EBF1: variants seen among roughly 807,000 people sequenced by gnomAD.
The protein encoded by EBF1 is transcription factor COE1.
EBF1 carries 10 observed loss-of-function variants against 68.4 expected under a neutral mutation model. That is an observed-to-expected ratio of 0.15 (90% confidence interval 0.09 to 0.25). The LOEUF (loss-of-function observed/expected upper bound fraction) is 0.25, where lower values mean the gene tolerates loss of function less well. Ranked by LOEUF, EBF1 falls within the 10% of genes least tolerant of loss-of-function variation. The probability of loss-of-function intolerance (pLI) is 1.00; values close to 1 mark genes in which losing one functional copy is unlikely to be tolerated. For missense variants in EBF1, 509 were observed against 794.4 expected (o/e 0.64, Z 4.32); for synonymous variants, 298 against 299.8 (o/e 0.99, Z 0.06).
intron 10 of EBF1, 144 bp from the exon 11 acceptor site, chr5:158,731,301 G>T: frequency 2.4e-6 from 2 of 822,488 alleles, no homozygotes; most frequent in South Asian, 1.8e-5. Context: ...TTGTGTGAAT[G>T]ATCTCTTGGC....
chr5:158,997,668 C>G (rs1464648149), intron 6 of EBF1, among the ~76,000 whole-genome samples: 1 of 152,154 alleles, frequency 6.6e-6, no homozygotes, highest in Non-Finnish European at 1.5e-5. Flanking sequence ...ATTCTCCAAA[C>G]TAACACAATA....
intron 11 of EBF1, among the ~76,000 whole-genome samples, chr5:158,722,958 T>C (rs1561742492): frequency 6.6e-6 from 1 of 152,192 alleles, no homozygotes; most frequent in South Asian, 2.1e-4. Flanking sequence ...TGAGTAATTA[T>C]GTTCAATGCC....
intron 6 of EBF1, among the ~76,000 whole-genome samples, chr5:158,957,666 T>C (rs1439582921): frequency 6.6e-6 from 1 of 152,226 alleles, no homozygotes; most frequent in South Asian, 2.1e-4. Context: ...TTCTTTTTAT[T>C]TGGGTCTGGC....
At chr5:159,035,698 T>C (rs1162874136) in intron 6 of EBF1, among the ~76,000 whole-genome samples, 4 of 152,240 alleles carry the variant, frequency 2.6e-5, no homozygotes, top group Admixed American at 2.6e-4. Flanking sequence ...ATTATCATTT[T>C]TATCAGATCC....
At chr5:158,853,023 G>A (rs1411353267) in intron 6 of EBF1, among the ~76,000 whole-genome samples, 5 of 152,090 alleles carry the variant, frequency 3.3e-5, no homozygotes, top group Non-Finnish European at 5.9e-5. Context: ...GTCAGTGGGT[G>A]GTCTACATGG....
chr5:158,903,317 C>T (rs1258829857), intron 6 of EBF1, among the ~76,000 whole-genome samples: 1 of 152,154 alleles, frequency 6.6e-6, no homozygotes, highest in Non-Finnish European at 1.5e-5. Context: ...CTGCATGCCC[C>T]TTTTTTTCTT....
chr5:158,751,589 A>G (rs1768916469), intron 10 of EBF1, among the ~76,000 whole-genome samples: 2 of 152,122 alleles, frequency 1.3e-5, no homozygotes, highest in African/African-American at 2.4e-5. Context: ...CGGTCTGGCC[A>G]GGTTCCTCCA....
chr5:159,012,064 G>A (rs537658086), intron 6 of EBF1, among the ~76,000 whole-genome samples: 11 of 152,060 alleles, frequency 7.2e-5, no homozygotes, highest in South Asian at 2.1e-4. Flanking sequence ...CAAGGCAGGC[G>A]GATCACAAGG....
intron 8 of EBF1, among the ~76,000 whole-genome samples, chr5:158,822,612 T>A (rs1785112180): frequency 6.6e-6 from 1 of 152,110 alleles, no homozygotes; most frequent in Non-Finnish European, 1.5e-5. Flanking sequence ...AAGAGTTAGG[T>A]ACAGGGCACA....
chr5:158,923,116 G>A (rs1352348433), intron 6 of EBF1, among the ~76,000 whole-genome samples: 1 of 152,208 alleles, frequency 6.6e-6, no homozygotes, highest in Non-Finnish European at 1.5e-5. Context: ...AAGAGCGTTA[G>A]CCTCTTCATC....
intron 7 of EBF1, among the ~76,000 whole-genome samples, chr5:158,836,747 C>A (rs1788907690): frequency 6.6e-6 from 1 of 152,164 alleles, no homozygotes; most frequent in South Asian, 2.1e-4. Flanking sequence ...GTTCCTCCAT[C>A]CTCTTCTAGG....
intron 6 of EBF1, among the ~76,000 whole-genome samples, chr5:158,930,252 GTTTTTTTGTTTT>G (rs967207078): frequency 5.5e-5 from 6 of 109,116 alleles, no homozygotes; most frequent in African/African-American, 1.1e-4. Flanking sequence ...CTGTTTTCTA[GTTTTTTTGTTTT>G]TTTTTTTGTT....
chr5:159,046,517 A>C (rs1431401148), intron 6 of EBF1, among the ~76,000 whole-genome samples: 3 of 152,218 alleles, frequency 2.0e-5, no homozygotes, highest in African/African-American at 7.2e-5. Context: ...CCAAAGCATC[A>C]TTTCAAAATC....
chr5:158,712,079 C>T, intron 14 of EBF1, 75 bp downstream of exon 14: 1 of 1,555,414 alleles, frequency 6.4e-7, no homozygotes, highest in African/African-American at 1.3e-5. Flanking sequence ...AAGCCCTGCC[C>T]ACTGGGCCAC....
At chr5:158,869,435 A>C (rs1431646656) in intron 6 of EBF1, among the ~76,000 whole-genome samples, 1 of 152,164 alleles carries the variant, frequency 6.6e-6, no homozygotes, top group African/African-American at 2.4e-5. Context: ...GGGTCACAGG[A>C]GGGAATACCC....
intron 6 of EBF1, among the ~76,000 whole-genome samples, chr5:158,977,597 A>C (rs1757037380): frequency 6.6e-6 from 1 of 152,240 alleles, no homozygotes; most frequent in African/African-American, 2.4e-5. Flanking sequence ...AAACATCAGC[A>C]CAGTAGCCAA....
chr5:159,057,632 G>A (rs1230436589), intron 6 of EBF1, among the ~76,000 whole-genome samples: 1 of 152,170 alleles, frequency 6.6e-6, no homozygotes, highest in African/African-American at 2.4e-5. Flanking sequence ...CCAGGGACTT[G>A]GCTTATGGTC....
chr5:158,981,427 T>A (rs1005459192), intron 6 of EBF1, among the ~76,000 whole-genome samples: 1 of 152,210 alleles, frequency 6.6e-6, no homozygotes, highest in Admixed American at 6.5e-5. Context: ...TTTAACTGTA[T>A]TAGTGGTGCC....
intron 15 of EBF1, among the ~76,000 whole-genome samples, chr5:158,704,591 C>T (rs577951213): frequency 6.6e-6 from 1 of 151,772 alleles, no homozygotes; most frequent in Non-Finnish European, 1.5e-5. Flanking sequence ...TTCAGGGATC[C>T]TTACACCAAT....
Sources: gnomAD v4.1 joint callset for allele counts (sites outside exome capture counted in the v4.1 genomes callset) on GRCh38, gnomAD v4.1.1 for gene constraint, MANE v1.5 for transcripts, NCBI Gene and HGNC (gene_info 2026-07-23, HGNC 2026-07-21) for gene names.